The following TASP1 variants were observed in gnomAD, a reference collection of about 807,000 sequenced individuals.
TASP1 encodes taspase 1.
A neutral mutation model predicts 56.6 loss-of-function variants in TASP1; 16 were observed. The observed-to-expected ratio is 0.28, with a 90% confidence interval of 0.19 to 0.43. The LOEUF is 0.43. TASP1 is among the 20% of genes least tolerant of loss of function. The pLI is 1.00. For missense variants in TASP1, 393 were observed against 511.6 expected (o/e 0.77, Z 2.24); for synonymous variants, 179 against 184.2 (o/e 0.97, Z 0.23).
At chr20:13,425,872 CAT>C (rs2042601619) in intron 12 of TASP1, among the ~76,000 whole-genome samples, 2 of 152,080 alleles carry the variant, frequency 1.3e-5, no homozygotes, top group African/African-American at 4.8e-5. Context: ...CCTTAAGACT[CAT>C]ATAATGCATG....
intron 11 of TASP1, among the ~76,000 whole-genome samples, chr20:13,482,899 C>T (rs1040653950): frequency 3.3e-5 from 5 of 152,138 alleles, no homozygotes; most frequent in African/African-American, 1.2e-4. Context: ...CCTTAAATGC[C>T]TATTCATGAC....
At chr20:13,263,030 T>C in the TASP1 span, among the ~76,000 whole-genome samples, 1 of 152,182 alleles carries the variant, frequency 6.6e-6, no homozygotes, top group African/African-American at 2.4e-5. Flanking sequence ...ATGATGTACC[T>C]GTGTCACTGG....
intron 4 of TASP1, among the ~76,000 whole-genome samples, chr20:13,618,626 G>A (rs2048605399): frequency 6.6e-6 from 1 of 152,070 alleles, no homozygotes; most frequent in African/African-American, 2.4e-5. Flanking sequence ...GTTTTTAACA[G>A]AATGACTAAA....
At chr20:13,636,248 C>A (rs984157546) in intron 1 of TASP1, among the ~76,000 whole-genome samples, 7 of 145,860 alleles carry the variant, frequency 4.8e-5, no homozygotes, top group African/African-American at 1.5e-4. Flanking sequence ...CAGGTTCAAG[C>A]GATTCTTGTG....
At chr20:13,608,023 T>C (rs551038496) in intron 4 of TASP1, among the ~76,000 whole-genome samples, 2 of 152,312 alleles carry the variant, frequency 1.3e-5, no homozygotes, top group Non-Finnish European at 2.9e-5. Flanking sequence ...GATAAGCAGA[T>C]ACCTTTAACC....
At chr20:13,510,587 C>A (rs2044292004) in intron 10 of TASP1, among the ~76,000 whole-genome samples, 1 of 152,076 alleles carries the variant, frequency 6.6e-6, no homozygotes, top group African/African-American at 2.4e-5. Flanking sequence ...TTTTAACTCT[C>A]TAAATACCTA....
chr20:13,357,863 T>G, the TASP1 span, among the ~76,000 whole-genome samples: 2 of 152,182 alleles, frequency 1.3e-5, no homozygotes, highest in South Asian at 4.2e-4. Flanking sequence ...AAGAAAAAAG[T>G]CAGACTAGAA....
At chr20:13,597,160 G>A (rs2047763587) in intron 4 of TASP1, among the ~76,000 whole-genome samples, 1 of 152,208 alleles carries the variant, frequency 6.6e-6, no homozygotes. Context: ...GAAAAAGAGA[G>A]AATCCTCCCT....
chr20:13,203,802 A>G, the TASP1 span, among the ~76,000 whole-genome samples: 23 of 152,242 alleles, frequency 1.5e-4, no homozygotes, highest in South Asian at 1.0e-3. Flanking sequence ...GGTAATTTGT[A>G]CTGTCAAATC....
At chr20:13,498,517 C>G (rs908230114) in intron 10 of TASP1, among the ~76,000 whole-genome samples, 7 of 151,854 alleles carry the variant, frequency 4.6e-5, no homozygotes, top group Non-Finnish European at 1.0e-4. Flanking sequence ...CACCACCACG[C>G]CCAGCTAATT....
the TASP1 span, among the ~76,000 whole-genome samples, chr20:13,281,515 T>G: frequency 6.6e-6 from 1 of 152,160 alleles, no homozygotes; most frequent in South Asian, 2.1e-4. Context: ...ATACTGCACT[T>G]TACAGATGGG....
intron 12 of TASP1, among the ~76,000 whole-genome samples, chr20:13,429,618 G>A (rs1016345926): frequency 2.0e-5 from 3 of 149,806 alleles, no homozygotes; most frequent in Non-Finnish European, 4.4e-5. Flanking sequence ...GTGTGTGAGT[G>A]TGTGTGTGTG....
the TASP1 span, among the ~76,000 whole-genome samples, chr20:13,188,181 A>G: frequency 6.6e-6 from 1 of 152,220 alleles, no homozygotes; most frequent in Non-Finnish European, 1.5e-5. Context: ...TGCTCAACAC[A>G]GCACTGGAAG....
At chr20:13,333,646 G>T in the TASP1 span, among the ~76,000 whole-genome samples, 110 of 152,262 alleles carry the variant, frequency 7.2e-4, no homozygotes, top group Non-Finnish European at 1.2e-3. Flanking sequence ...TGGGGTTGTT[G>T]TTCATGTGAA....
chr20:13,528,308 G>A, intron 10 of TASP1, 125 bp downstream of exon 10: 3 of 546,218 alleles, frequency 5.5e-6, no homozygotes, highest in South Asian at 3.9e-5. Context: ...AAATACTGAA[G>A]ATCTTTCCCA....
At chr20:13,266,211 G>C in the TASP1 span, among the ~76,000 whole-genome samples, 5 of 152,190 alleles carry the variant, frequency 3.3e-5, no homozygotes, top group Non-Finnish European at 7.3e-5. Flanking sequence ...AAGAAAAAGA[G>C]GGGACTAGAC....
At chr20:13,322,978 GACA>G in the TASP1 span, among the ~76,000 whole-genome samples, 1 of 152,102 alleles carries the variant, frequency 6.6e-6, no homozygotes, top group Admixed American at 6.6e-5. Context: ...TGTAGGAAGA[GACA>G]ACATTTGACA....
At chr20:13,600,148 A>T (rs1054557619) in intron 4 of TASP1, among the ~76,000 whole-genome samples, 4 of 152,242 alleles carry the variant, frequency 2.6e-5, no homozygotes, top group African/African-American at 9.6e-5. Context: ...ATAAATGGAA[A>T]GAAATACTAT....
At chr20:13,615,745 C>T (rs904629176) in intron 4 of TASP1, among the ~76,000 whole-genome samples, 7 of 151,862 alleles carry the variant, frequency 4.6e-5, no homozygotes, top group Non-Finnish European at 7.4e-5. Flanking sequence ...CCTCGTGATC[C>T]GCCCGTCTCG....
Sources: allele counts gnomAD v4.1 joint callset (sites outside exome capture counted in the v4.1 genomes callset), GRCh38; gene constraint gnomAD v4.1.1; transcripts MANE v1.5; gene names NCBI Gene and HGNC (gene_info 2026-07-23, HGNC 2026-07-21).